ARHGAP32: variants seen among roughly 807,000 people sequenced by gnomAD.
ARHGAP32 encodes the protein Rho GTPase activating protein 32, also known as rho GTPase-activating protein 32.
Under a neutral mutation model 186.5 loss-of-function variants are expected in ARHGAP32, and 51 were observed. The ratio of observed to expected loss-of-function variants is 0.27; its 90% CI spans 0.22 to 0.35. The LOEUF is 0.35. ARHGAP32 is among the 10% of genes least tolerant of loss of function. The pLI, the probability that ARHGAP32 is intolerant of heterozygous loss-of-function variation, is 1.00. For synonymous variants in ARHGAP32, 950 were observed against 964.3 expected (o/e 0.99, Z 0.27); for missense variants, 2,186 against 2,623.5 (o/e 0.83, Z 3.64).
intron 11 of ARHGAP32, among the ~76,000 whole-genome samples, chr11:129,001,121 T>C (rs900089090): frequency 6.6e-6 from 1 of 152,186 alleles, no homozygotes; most frequent in African/African-American, 2.4e-5. Flanking sequence ...TATATACGAA[T>C]TTCCTTTCTT....
intron 1 of ARHGAP32, among the ~76,000 whole-genome samples, chr11:129,246,627 C>G (rs1436917297): frequency 6.6e-6 from 1 of 152,162 alleles, no homozygotes; most frequent in African/African-American, 2.4e-5. Context: ...ACGCGACAAT[C>G]AGAGATGAAA....
intron 11 of ARHGAP32, among the ~76,000 whole-genome samples, chr11:129,025,483 A>T (rs1938795646): frequency 6.6e-6 from 1 of 152,186 alleles, no homozygotes; most frequent in South Asian, 2.1e-4. Context: ...GGACATCTGC[A>T]GATTATTGAA....
intron 11 of ARHGAP32, among the ~76,000 whole-genome samples, chr11:129,035,415 C>T (rs894462410): frequency 2.1e-4 from 32 of 152,144 alleles, no homozygotes; most frequent in African/African-American, 7.0e-4. Flanking sequence ...TCAGATTTGG[C>T]ATCTAACAGT....
chr11:129,140,310 C>A (rs1943024610), intron 2 of ARHGAP32, among the ~76,000 whole-genome samples: 1 of 152,138 alleles, frequency 6.6e-6, no homozygotes, highest in African/African-American at 2.4e-5. Flanking sequence ...CCCAGCCCAG[C>A]CAATACTTTG....
At chr11:128,998,254 G>A in intron 12 of ARHGAP32, 65 bp downstream of exon 12, 2 of 1,323,578 alleles carry the variant, frequency 1.5e-6, no homozygotes, top group Non-Finnish European at 2.0e-6. Context: ...TCCATAATTG[G>A]TTATAGCAAA....
chr11:129,036,851 T>G (rs1411784902), intron 11 of ARHGAP32, among the ~76,000 whole-genome samples: 2 of 152,148 alleles, frequency 1.3e-5, no homozygotes, highest in East Asian at 3.9e-4. Context: ...CAATATTGTA[T>G]TAGAGGTTCT....
intron 1 of ARHGAP32, among the ~76,000 whole-genome samples, chr11:129,207,892 G>T (rs1356599690): frequency 6.6e-6 from 1 of 152,114 alleles, no homozygotes; most frequent in East Asian, 1.9e-4. Context: ...CCAAGGCATG[G>T]CACATTTAGA....
At chr11:129,059,073 G>A (rs1591576623) in intron 10 of ARHGAP32, among the ~76,000 whole-genome samples, 1 of 152,166 alleles carries the variant, frequency 6.6e-6, no homozygotes, top group Non-Finnish European at 1.5e-5. Flanking sequence ...CTTGCTGGTT[G>A]AGCAGGAAAG....
Position 128,986,812 on chromosome 11 carries a change from A to T in ARHGAP32, c.1299-144T>A, listed in dbSNP as rs1469408845. ...TCTTCCATTAATTATATTTCATTTA[A>T]GTTGTGTTTGGACTTCAGCAACAAC... On this transcript the variant is annotated intron_variant, in intron 13 of 22. Coordinates refer to ENST00000682385, the MANE Select transcript of ARHGAP32 (RefSeq NM_001378024.1). 10 of 778,852 alleles carry T rather than the reference A, an allele frequency of 1.3e-5. No individual in the cohort carries two copies. In the East Asian group the frequency reaches 2.4e-4, roughly 19 times the overall value. 48.2% of individuals were successfully genotyped at this position (778,852 alleles called of 1,614,324 possible). A position where few individuals can be genotyped will look rare whatever the true frequency, so the allele number is the denominator to read the frequency against.
intron 15 of ARHGAP32, among the ~76,000 whole-genome samples, chr11:128,984,915 T>G (rs894599931): frequency 8.5e-5 from 13 of 152,222 alleles, no homozygotes; most frequent in African/African-American, 3.1e-4. Flanking sequence ...AAGTACCTTA[T>G]GTTTTAGAAA....
At chr11:129,048,023 G>A (rs1939885925) in intron 10 of ARHGAP32, among the ~76,000 whole-genome samples, 1 of 152,102 alleles carries the variant, frequency 6.6e-6, no homozygotes, top group Non-Finnish European at 1.5e-5. Context: ...TTTACTTATA[G>A]CCTAGTAATT....
chr11:129,033,148 T>C (rs1029186335), intron 11 of ARHGAP32, among the ~76,000 whole-genome samples: 1 of 152,264 alleles, frequency 6.6e-6, no homozygotes, highest in Non-Finnish European at 1.5e-5. Flanking sequence ...GGGAATTTAC[T>C]GTATATATCT....
intron 11 of ARHGAP32, among the ~76,000 whole-genome samples, chr11:129,036,380 C>CAAA (rs58678377): frequency 0.033 from 3,279 of 98,288 alleles, 511 homozygotes; most frequent in Non-Finnish European, 0.042. Flanking sequence ...AACTCCGTCT[C>CAAA]AAAAAAAAAA....
chr11:129,153,080 C>T (rs1248617682), intron 2 of ARHGAP32, among the ~76,000 whole-genome samples: 1 of 151,920 alleles, frequency 6.6e-6, no homozygotes, highest in South Asian at 2.1e-4. Flanking sequence ...TGTAGCACTG[C>T]TGTACAACAA....
intron 11 of ARHGAP32, among the ~76,000 whole-genome samples, chr11:129,030,993 T>A (rs1327410999): frequency 6.6e-6 from 1 of 152,184 alleles, no homozygotes; most frequent in East Asian, 1.9e-4. Flanking sequence ...AAGTAAATGC[T>A]CCCTGAGGCC....
chr11:129,019,556 T>G (rs1300748017), intron 11 of ARHGAP32, among the ~76,000 whole-genome samples: 1 of 152,200 alleles, frequency 6.6e-6, no homozygotes. Context: ...TAATAAGTTA[T>G]CAGAATTACA....
At chr11:129,014,695 G>T (rs1221331768) in intron 11 of ARHGAP32, among the ~76,000 whole-genome samples, 4 of 152,174 alleles carry the variant, frequency 2.6e-5, no homozygotes, top group Admixed American at 2.0e-4. Context: ...GTATAATAAG[G>T]TATGACTGTA....
chr11:129,215,563 T>G (rs1464554985), intron 1 of ARHGAP32, among the ~76,000 whole-genome samples: 1 of 152,160 alleles, frequency 6.6e-6, no homozygotes, highest in Non-Finnish European at 1.5e-5. Context: ...TTTCCTTGCC[T>G]TTTTCAGTTT....
chr11:129,205,405 A>G (rs1474722366), intron 1 of ARHGAP32, among the ~76,000 whole-genome samples: 1 of 152,172 alleles, frequency 6.6e-6, no homozygotes, highest in African/African-American at 2.4e-5. Context: ...AAGTTACAAG[A>G]TACACAGCAA....
Sources: allele counts gnomAD v4.1 joint callset (sites outside exome capture counted in the v4.1 genomes callset), GRCh38; gene constraint gnomAD v4.1.1; transcripts MANE v1.5; gene names NCBI Gene and HGNC (gene_info 2026-07-23, HGNC 2026-07-21).